The following LRP1B variants were observed in gnomAD, a reference collection of about 807,000 sequenced individuals.
The protein encoded by LRP1B is LDL receptor related protein 1B, also known as low-density lipoprotein receptor-related protein 1B.
In LRP1B, 217 loss-of-function variants were observed where a neutral mutation model predicts 556.6. The ratio of observed to expected loss-of-function variants is 0.39; its 90% CI spans 0.35 to 0.44. The LOEUF (loss-of-function observed/expected upper bound fraction) is 0.44, where lower values mean the gene tolerates loss of function less well. Among genes scored for constraint, LRP1B ranks in the 20% least tolerant of loss-of-function variants. The pLI is 1.00. For synonymous variants in LRP1B, 2,047 were observed against 1,865.8 expected (o/e 1.10, Z -2.50); for missense variants, 5,053 against 5,620.8 (o/e 0.90, Z 3.23).
chr2:141,276,512 T>C (rs1333209918), intron 3 of LRP1B, among the ~76,000 whole-genome samples: 1 of 152,242 alleles, frequency 6.6e-6, no homozygotes, highest in Admixed American at 6.5e-5. Context: ...ATGTACTCAA[T>C]GTTTAACTCC....
chr2:141,356,039 A>G (rs1688616523), intron 3 of LRP1B, among the ~76,000 whole-genome samples: 1 of 152,200 alleles, frequency 6.6e-6, no homozygotes, highest in Non-Finnish European at 1.5e-5. Context: ...CCTCTCTTAT[A>G]GTAGAACAGA....
At chr2:142,099,933 G>T (rs754475708) in intron 1 of LRP1B, among the ~76,000 whole-genome samples, 29 of 151,860 alleles carry the variant, frequency 1.9e-4, no homozygotes, top group Non-Finnish European at 3.5e-4. Flanking sequence ...TCCTGGAATA[G>T]TAACCTGGAT....
intron 11 of LRP1B, among the ~76,000 whole-genome samples, chr2:141,034,730 G>C (rs1698479523): frequency 6.7e-6 from 1 of 148,352 alleles, no homozygotes; most frequent in Non-Finnish European, 1.5e-5. Flanking sequence ...AGGATGTGGA[G>C]AAATAGGAAC....
intron 41 of LRP1B, among the ~76,000 whole-genome samples, chr2:140,678,513 A>T (rs998760464): frequency 2.0e-5 from 3 of 152,162 alleles, no homozygotes; most frequent in Non-Finnish European, 4.4e-5. Flanking sequence ...TGGACAAGGC[A>T]TTTTTTCCCC....
intron 2 of LRP1B, among the ~76,000 whole-genome samples, chr2:141,488,967 T>TTG (rs1683220277): frequency 2.0e-5 from 1 of 48,950 alleles, no homozygotes; most frequent in Admixed American, 3.1e-4. Flanking sequence ...ATGGGTTTGT[T>TTG]TTTTTTTGTT....
chr2:140,986,222 C>A (rs1558783216), intron 17 of LRP1B, among the ~76,000 whole-genome samples: 1 of 151,612 alleles, frequency 6.6e-6, no homozygotes, highest in African/African-American at 2.4e-5. Flanking sequence ...AATAGCATTT[C>A]TTTCATGAAT....
intron 77 of LRP1B, among the ~76,000 whole-genome samples, chr2:140,339,443 C>A (rs1363280236): frequency 6.6e-6 from 1 of 151,514 alleles, no homozygotes; most frequent in African/African-American, 2.4e-5. Context: ...GGTGATATCA[C>A]ATATTTATTT....
chr2:140,568,769 C>T (rs1240035251), intron 43 of LRP1B, among the ~76,000 whole-genome samples: 1 of 152,024 alleles, frequency 6.6e-6, no homozygotes, highest in African/African-American at 2.4e-5. Flanking sequence ...ATCCCCATTA[C>T]ATTAACAGCA....
At chr2:142,001,663 C>A (rs934736352) in intron 1 of LRP1B, among the ~76,000 whole-genome samples, 1 of 152,114 alleles carries the variant, frequency 6.6e-6, no homozygotes, top group African/African-American at 2.4e-5. Context: ...TTACAAGTCT[C>A]CGTTTATTAA....
chr2:142,082,892 T>C (rs1019305865), intron 1 of LRP1B, among the ~76,000 whole-genome samples: 5 of 152,206 alleles, frequency 3.3e-5, no homozygotes, highest in African/African-American at 1.2e-4. Context: ...GGGCTTTTTT[T>C]TGTGGCCAGG....
chr2:141,793,389 T>C (rs950032027), intron 2 of LRP1B, among the ~76,000 whole-genome samples: 3 of 151,954 alleles, frequency 2.0e-5, no homozygotes, highest in African/African-American at 7.2e-5. Flanking sequence ...TTGAACACTT[T>C]TGTATAGTGC....
intron 51 of LRP1B, among the ~76,000 whole-genome samples, chr2:140,512,835 A>T (rs1333833306): frequency 1.3e-5 from 2 of 152,146 alleles, no homozygotes; most frequent in Admixed American, 1.3e-4. Context: ...AGTGAGACGA[A>T]TTATTTATAA....
chr2:140,785,229 A>C (rs1000637959), intron 32 of LRP1B, among the ~76,000 whole-genome samples: 1 of 152,182 alleles, frequency 6.6e-6, no homozygotes, highest in Non-Finnish European at 1.5e-5. Flanking sequence ...AAAAGACAGC[A>C]TTGTCTTGAT....
At chr2:140,599,451 A>T (rs918960296) in intron 42 of LRP1B, among the ~76,000 whole-genome samples, 14 of 152,072 alleles carry the variant, frequency 9.2e-5, no homozygotes, top group African/African-American at 3.4e-4. Flanking sequence ...TCAGCATAGT[A>T]TCTGTTCTCT....
At chr2:140,587,094 C>T (rs1472050017) in intron 43 of LRP1B, among the ~76,000 whole-genome samples, 3 of 151,910 alleles carry the variant, frequency 2.0e-5, no homozygotes, top group Non-Finnish European at 4.4e-5. Context: ...AACTCAACAG[C>T]AGAATGGAGG....
chr2:140,772,298 T>C (rs955981307), intron 33 of LRP1B, among the ~76,000 whole-genome samples: 23 of 146,194 alleles, frequency 1.6e-4, no homozygotes, highest in African/African-American at 5.7e-4. Context: ...ATAATATATA[T>C]ATTTGTATGT....
intron 5 of LRP1B, among the ~76,000 whole-genome samples, chr2:141,245,839 A>G (rs1288769687): frequency 1.3e-5 from 2 of 152,156 alleles, no homozygotes; most frequent in African/African-American, 4.8e-5. Flanking sequence ...TCATTTTAGT[A>G]ATTTTAATTA....
At chr2:141,711,830 C>T (rs1161121890) in intron 2 of LRP1B, among the ~76,000 whole-genome samples, 3 of 152,062 alleles carry the variant, frequency 2.0e-5, no homozygotes, top group Non-Finnish European at 4.4e-5. Flanking sequence ...TCCACAGACA[C>T]ATACAGCTTC....
intron 7 of LRP1B, among the ~76,000 whole-genome samples, chr2:141,167,860 A>G (rs1163471832): frequency 6.6e-6 from 1 of 152,020 alleles, no homozygotes; most frequent in East Asian, 1.9e-4. Flanking sequence ...TTCAGTGATT[A>G]ATATATATTT....
Sources: allele counts gnomAD v4.1 joint callset (sites outside exome capture counted in the v4.1 genomes callset), GRCh38; gene constraint gnomAD v4.1.1; transcripts MANE v1.5; gene names NCBI Gene and HGNC (gene_info 2026-07-23, HGNC 2026-07-21).